ALK: variants seen among roughly 807,000 people sequenced by gnomAD.
ALK encodes the protein ALK tyrosine kinase receptor.
A neutral mutation model predicts 163.1 loss-of-function variants in ALK; 74 were observed. That is an observed-to-expected ratio of 0.45 (90% CI 0.38 to 0.55). ALK has a LOEUF of 0.55. Among genes scored for constraint, ALK ranks in the 20% least tolerant of loss-of-function variants. The probability of loss-of-function intolerance (pLI) is 0.00; values close to 1 mark genes in which losing one functional copy is unlikely to be tolerated. For missense variants in ALK, 2,063 were observed against 2,105.3 expected, an observed-to-expected ratio of 0.98 and a Z score of 0.39; for synonymous variants, 960 against 843.2, an observed-to-expected ratio of 1.14 and a Z score of -2.40.
intron 4 of ALK, among the ~76,000 whole-genome samples, chr2:29,454,565 A>C (rs1009397194): frequency 1.3e-5 from 2 of 152,322 alleles, no homozygotes; most frequent in African/African-American, 4.8e-5. Context: ...TCCAAATCTA[A>C]GGAGACAAGA....
intron 3 of ALK, among the ~76,000 whole-genome samples, chr2:29,659,573 G>C (rs553612368): frequency 6.6e-6 from 1 of 152,208 alleles, no homozygotes; most frequent in South Asian, 2.1e-4. Context: ...CATTTGGGGA[G>C]GCAAAGTGAA....
At chr2:29,629,696 A>G (rs1194303683) in intron 3 of ALK, among the ~76,000 whole-genome samples, 1 of 152,186 alleles carries the variant, frequency 6.6e-6, no homozygotes, top group Non-Finnish European at 1.5e-5. Flanking sequence ...CTCAGTAATG[A>G]GTTGCCAGGC....
chr2:29,504,219 C>A (rs776310435), intron 4 of ALK, among the ~76,000 whole-genome samples: 4 of 151,904 alleles, frequency 2.6e-5, no homozygotes, highest in Non-Finnish European at 5.9e-5. Context: ...GTACAAAGGG[C>A]CAGTGGCCAG....
chr2:29,216,800 G>T (rs1182565461), intron 23 of ALK, among the ~76,000 whole-genome samples: 1 of 150,084 alleles, frequency 6.7e-6, no homozygotes, highest in Non-Finnish European at 1.5e-5. Flanking sequence ...TATGTGTGGG[G>T]GTGTATGTGG....
At chr2:29,723,733 T>C (rs1187526335) in intron 1 of ALK, among the ~76,000 whole-genome samples, 10 of 152,240 alleles carry the variant, frequency 6.6e-5, no homozygotes, top group Admixed American at 6.5e-4. Flanking sequence ...TGAGATAATG[T>C]GTGCATGACA....
chr2:29,656,657 T>C (rs780404714), intron 3 of ALK, among the ~76,000 whole-genome samples: 37 of 152,160 alleles, frequency 2.4e-4, no homozygotes, highest in Non-Finnish European at 4.9e-4. Context: ...ACAAAGAAGT[T>C]AGATGTCCTG....
chr2:29,452,340 T>G (rs1450728198), intron 4 of ALK, among the ~76,000 whole-genome samples: 6 of 142,152 alleles, frequency 4.2e-5, no homozygotes, highest in South Asian at 4.2e-4. Flanking sequence ...TTGTTTTTTT[T>G]TTTTTTTTTT....
At chr2:29,810,875 G>A (rs1273036849) in intron 1 of ALK, among the ~76,000 whole-genome samples, 1 of 152,012 alleles carries the variant, frequency 6.6e-6, no homozygotes, top group Non-Finnish European at 1.5e-5. Context: ...GCTCTACCAG[G>A]GACACCAGGG....
intron 5 of ALK, among the ~76,000 whole-genome samples, chr2:29,334,807 G>A (rs897125107): frequency 6.6e-6 from 1 of 152,192 alleles, no homozygotes; most frequent in Admixed American, 6.5e-5. Flanking sequence ...TCAATTAGAT[G>A]GACGCCTGGT....
intron 2 of ALK, among the ~76,000 whole-genome samples, chr2:29,696,762 G>T (rs374076929): frequency 6.6e-6 from 1 of 151,840 alleles, no homozygotes; most frequent in Non-Finnish European, 1.5e-5. Context: ...CTGCACCTGC[G>T]TGTCTGAAGT....
At chr2:29,346,106 CCTT>C (rs1272232394) in intron 5 of ALK, among the ~76,000 whole-genome samples, 2 of 152,154 alleles carry the variant, frequency 1.3e-5, no homozygotes, top group African/African-American at 2.4e-5. Context: ...GTGAGTCAGT[CCTT>C]CTTTTTCCTT....
chr2:29,575,731 G>T (rs1363620170), intron 3 of ALK, among the ~76,000 whole-genome samples: 3 of 152,160 alleles, frequency 2.0e-5, no homozygotes, highest in African/African-American at 4.8e-5. Context: ...TGGCAATTTT[G>T]CCGGCAGATA....
At chr2:29,467,745 G>A (rs1671246969) in intron 4 of ALK, among the ~76,000 whole-genome samples, 1 of 152,130 alleles carries the variant, frequency 6.6e-6, no homozygotes, top group African/African-American at 2.4e-5. Flanking sequence ...ACTCTCTCAT[G>A]AGTATATTAC....
At chr2:29,311,321 G>C (rs1666688683) in intron 8 of ALK, among the ~76,000 whole-genome samples, 1 of 152,126 alleles carries the variant, frequency 6.6e-6, no homozygotes, top group Non-Finnish European at 1.5e-5. Flanking sequence ...AGGCCTTGGG[G>C]CTTCCGAAAA....
intron 1 of ALK, among the ~76,000 whole-genome samples, chr2:29,770,968 T>TACACAGACATACACAGAA (rs1233643521): frequency 4.7e-5 from 7 of 150,238 alleles, no homozygotes; most frequent in Non-Finnish European, 1.0e-4. Flanking sequence ...CATACACAAA[T>TACACAGACATACACAGAA]ACACAGACAT....
chr2:29,383,084 G>A (rs1458452413), intron 5 of ALK, among the ~76,000 whole-genome samples: 5 of 152,084 alleles, frequency 3.3e-5, no homozygotes, highest in Non-Finnish European at 5.9e-5. Flanking sequence ...TGAGAATTTA[G>A]GTCTGGGAGT....
intron 3 of ALK, among the ~76,000 whole-genome samples, chr2:29,656,786 G>C (rs1348669136): frequency 6.6e-6 from 1 of 152,130 alleles, no homozygotes; most frequent in East Asian, 1.9e-4. Flanking sequence ...GTACTCCACA[G>C]AGAGGTAGAC....
chr2:29,798,077 T>C (rs1359006816), intron 1 of ALK, among the ~76,000 whole-genome samples: 1 of 152,136 alleles, frequency 6.6e-6, no homozygotes, highest in Non-Finnish European at 1.5e-5. Flanking sequence ...TCAACTACGA[T>C]CCCAGAGGGC....
chr2:29,808,873 T>C (rs1461934169), intron 1 of ALK, among the ~76,000 whole-genome samples: 5 of 152,222 alleles, frequency 3.3e-5, no homozygotes, highest in Non-Finnish European at 7.3e-5. Context: ...CCAGTGACCT[T>C]TCAGATCCCT....
Sources: allele counts gnomAD v4.1 joint callset (sites outside exome capture counted in the v4.1 genomes callset), GRCh38; gene constraint gnomAD v4.1.1; transcripts MANE v1.5; gene names NCBI Gene and HGNC (gene_info 2026-07-23, HGNC 2026-07-21).